TMEM200A: variants seen among roughly 807,000 people sequenced by gnomAD.
The protein encoded by TMEM200A is transmembrane protein 200A.
Under a neutral mutation model 24.3 loss-of-function variants are expected in TMEM200A, and 12 were observed. That is an observed-to-expected ratio of 0.49 (90% CI 0.32 to 0.80). The LOEUF (loss-of-function observed/expected upper bound fraction) is 0.80. TMEM200A is among the 30% of genes least tolerant of loss of function. The pLI, the probability that TMEM200A is intolerant of heterozygous loss-of-function variation, is 0.04. For missense variants in TMEM200A, 545 were observed against 614.4 expected (o/e 0.89, Z 1.19); for synonymous variants, 224 against 224.4 (o/e 1.00, Z 0.02).
At chr6:130,405,038 A>G (rs1223686280) in intron 2 of TMEM200A, among the ~76,000 whole-genome samples, 2 of 152,174 alleles carry the variant, frequency 1.3e-5, no homozygotes, top group Non-Finnish European at 2.9e-5. Context: ...TACCAGTACC[A>G]TGCTGTTTTA....
At chr6:130,384,620 A>C (rs1778672702) in intron 1 of TMEM200A, among the ~76,000 whole-genome samples, 1 of 152,202 alleles carries the variant, frequency 6.6e-6, no homozygotes, top group Admixed American at 6.5e-5. Context: ...CCAGAAAATT[A>C]TTGTTTTAAT....
Position 130,366,608 on chromosome 6 carries a change from T to G in TMEM200A, c.-81+84T>G. The stretch of plus-strand genomic sequence containing the variant: ...CCGAAACCGGGCACTTCTTCAGCCC[T>G]CTGCCCTCCCCTCCCCTCCGCTACA... On this transcript the variant is annotated intron_variant, in intron 1 of 2. Coordinates refer to ENST00000296978, the MANE Select transcript of TMEM200A (RefSeq NM_001258277.2). The surrounding 1 kb of genome is among the most constrained non-coding windows in gnomAD (Gnocchi z 4.4). 6 of 977,088 alleles carry G rather than the reference T, an allele frequency of 6.1e-6. No individual in the cohort carries two copies. The highest frequency in any genetic ancestry group is 7.3e-6 in the Non-Finnish European group (6 of 822,238). The allele number at this position is 977,088 out of a possible 1,614,324, so 60.5% of individuals were successfully genotyped here.
chr6:130,423,715 G>A (rs950205462), intron 2 of TMEM200A, among the ~76,000 whole-genome samples: 2 of 151,946 alleles, frequency 1.3e-5, no homozygotes, highest in African/African-American at 4.8e-5. Flanking sequence ...CCAATCTATA[G>A]CAATAAAGAG....
intron 2 of TMEM200A, among the ~76,000 whole-genome samples, chr6:130,402,859 T>C (rs72992478): frequency 0.023 from 3,472 of 152,226 alleles, 66 homozygotes; most frequent in Non-Finnish European, 0.034. Flanking sequence ...TATTAGAAAT[T>C]ATATCATGAA....
chr6:130,408,218 G>T (rs1021470693), intron 2 of TMEM200A, among the ~76,000 whole-genome samples: 1 of 152,182 alleles, frequency 6.6e-6, no homozygotes, highest in Non-Finnish European at 1.5e-5. Context: ...CCCAATGAGG[G>T]TCTTGAAGGA....
At chr6:130,367,932 T>TA (rs1778224808) in intron 1 of TMEM200A, among the ~76,000 whole-genome samples, 1 of 152,156 alleles carries the variant, frequency 6.6e-6, no homozygotes, top group Non-Finnish European at 1.5e-5. Flanking sequence ...AAAGCCTTCA[T>TA]TAGAGTTGTA....
At chr6:130,379,757 T>G (rs1778552656) in intron 1 of TMEM200A, among the ~76,000 whole-genome samples, 1 of 152,140 alleles carries the variant, frequency 6.6e-6, no homozygotes, top group African/African-American at 2.4e-5. Flanking sequence ...ATGGGACAGA[T>G]GGGGCTGGTG....
In TMEM200A at chr6:130,441,152, C is replaced by G. The variant is rs201003025; in HGVS notation, c.730C>G (p.Pro244Ala). The change falls in exon 3 of 3, where the codon CCC becomes GCC. Residue 244 changes from proline to alanine, a missense_variant. Transcript: ENST00000296978. Reference sequence around the variant, plus strand: ...AGGTAAGAGTTCTGGGCATCTTATGCCCCCTTTGCTCTCTGACAGCTCTGT... The same window carrying G: ...AGGTAAGAGTTCTGGGCATCTTATGGCCCCTTTGCTCTCTGACAGCTCTGT... ...NEGKSSGHLMPPLLSDSSVSV... is the reference protein window; with the variant it reads ...NEGKSSGHLMAPLLSDSSVSV... The G allele has an allele frequency of 1.2e-6, 2 of 1,613,990 alleles. No homozygotes were observed. Among genetic ancestry groups the G allele is most frequent in the Non-Finnish European group, 1.7e-6 (2 of 1,179,958 alleles).
In TMEM200A at chr6:130,366,736, G is replaced by A. The variant is rs1778165726; in HGVS notation, c.-81+212G>A. Among the ~76,000 whole-genome samples, 1 of 152,214 alleles carries A rather than the reference G, an allele frequency of 6.6e-6. No individual in the cohort carries two copies. Among genetic ancestry groups the A allele is most frequent in the Admixed American group, 6.5e-5 (1 of 15,292 alleles). ...CAGTCCCGGGAGCGCGAGAGAAGCC[G>A]TGCGGGGCAGCCTCCAAGAACCCGG... On this transcript the variant is annotated intron_variant, in intron 1 of 2. Transcript: ENST00000296978. This position sits in a 1 kb window ranked among gnomAD's most constrained non-coding sequence, Gnocchi z 4.4.
At chr6:130,373,662 T>C (rs1562548225) in intron 1 of TMEM200A, among the ~76,000 whole-genome samples, 1 of 152,196 alleles carries the variant, frequency 6.6e-6, no homozygotes, top group Non-Finnish European at 1.5e-5. Context: ...TCAGAATCTG[T>C]TTTTTGTGCA....
At chr6:130,403,674 T>A (rs1034480763) in intron 2 of TMEM200A, among the ~76,000 whole-genome samples, 6 of 152,162 alleles carry the variant, frequency 3.9e-5, no homozygotes, top group Admixed American at 2.0e-4. Context: ...ACAGCATTTT[T>A]AAAACTTTTA....
chr6:130,410,705 A>C (rs1437687393), intron 2 of TMEM200A, among the ~76,000 whole-genome samples: 2 of 152,244 alleles, frequency 1.3e-5, no homozygotes, highest in African/African-American at 4.8e-5. Flanking sequence ...CAAAAGCCCA[A>C]GTGAAATGTT....
chr6:130,441,273 C>G lies in TMEM200A; in HGVS notation c.851C>G (p.Ser284Cys). 1 of 1,614,110 alleles carries G rather than the reference C, an allele frequency of 6.2e-7. No homozygotes were observed. The change falls in exon 3 of 3, where the codon TCC becomes TGC. Residue 284 changes from serine (S) to cysteine (C), a missense_variant. By Grantham distance (112) the Ser-to-Cys change is moderately radical. Coordinates refer to ENST00000296978, the MANE Select transcript of TMEM200A (RefSeq NM_001258277.2). The part of the protein sequence containing the change: ...KCETKSIVSS[S>C]ISAFTLPVIK... Reference sequence around the variant, plus strand: ...GAAACCAAGTCAATTGTGTCATCGTCCATCAGTGCTTTTACATTGCCTGTG... The same window carrying G: ...GAAACCAAGTCAATTGTGTCATCGTGCATCAGTGCTTTTACATTGCCTGTG...
intron 2 of TMEM200A, chr6:130,438,242 C>T (rs1328320488): frequency 6.6e-6 from 1 of 152,130 alleles, no homozygotes; most frequent in Non-Finnish European, 1.5e-5. Context: ...TTTGTTCTTC[C>T]AACATAAAAC....
chr6:130,365,888 G>A (rs1778124229), upstream of TMEM200A: 1 of 985,500 alleles, frequency 1.0e-6, no homozygotes, highest in African/African-American at 1.7e-5. Context: ...CACAGGTTTT[G>A]GGGCGGCGGC....
intron 2 of TMEM200A, among the ~76,000 whole-genome samples, chr6:130,415,386 A>C (rs1372962165): frequency 6.6e-6 from 1 of 152,202 alleles, no homozygotes; most frequent in Non-Finnish European, 1.5e-5. Context: ...GGAGGGATGC[A>C]TCCTTTAATA....
intron 1 of TMEM200A, among the ~76,000 whole-genome samples, chr6:130,378,096 T>G (rs1305446420): frequency 6.6e-6 from 1 of 152,110 alleles, no homozygotes; most frequent in Non-Finnish European, 1.5e-5. Context: ...GAGGCCAGTG[T>G]GATTAGAACA....
chr6:130,390,458 G>A lies in TMEM200A; in HGVS notation c.-17+5222G>A, dbSNP rs530497234. On this transcript the variant is annotated intron_variant, in intron 2 of 2. Coordinates refer to ENST00000296978, the MANE Select transcript of TMEM200A (RefSeq NM_001258277.2). The stretch of plus-strand genomic sequence containing the variant: ...ACAGTATGTCATTTAATCTCAGTGA[G>A]CTCTTTCTGACTTTACAGAGTGAAA... Among the ~76,000 whole-genome samples the A allele has an allele frequency of 7.2e-5, 11 of 152,354 alleles. No homozygotes were observed. In the East Asian group the frequency reaches 2.1e-3, roughly 29 times the overall value.
At chr6:130,426,226 C>T (rs1044855179) in intron 2 of TMEM200A, among the ~76,000 whole-genome samples, 4 of 152,144 alleles carry the variant, frequency 2.6e-5, no homozygotes, top group African/African-American at 7.2e-5. Flanking sequence ...CTCACTACCT[C>T]GCCCAGCTCC....
Sources: allele counts gnomAD v4.1 joint callset (sites outside exome capture counted in the v4.1 genomes callset), GRCh38; gene constraint gnomAD v4.1.1; non-coding constraint Gnocchi (gnomAD v3.1); transcripts MANE v1.5; gene names NCBI Gene and HGNC (gene_info 2026-07-23, HGNC 2026-07-21).